Variants in MOXD1 observed in about 807,000 individuals in gnomAD.
The protein encoded by MOXD1 is DBH-like monooxygenase protein 1.
A neutral mutation model predicts 66.6 loss-of-function variants in MOXD1; 62 were observed. The observed-to-expected ratio is 0.93, with a 90% confidence interval of 0.76 to 1.15. The LOEUF (loss-of-function observed/expected upper bound fraction) is 1.15. Among genes scored for constraint, MOXD1 ranks in the 50% most tolerant of loss-of-function variants. MOXD1 has a pLI of 0.00. For synonymous variants in MOXD1, 303 were observed against 281.9 expected, an observed-to-expected ratio of 1.07 and a Z score of -0.75; for missense variants, 847 against 754.6, an observed-to-expected ratio of 1.12 and a Z score of -1.44.
chr6:132,325,015 T>C (rs1775158746), intron 6 of MOXD1: 1 of 151,730 alleles, frequency 6.6e-6, no homozygotes, highest in Admixed American at 6.6e-5. Context: ...TTACTTTTAA[T>C]TTTTTTCAGA....
intron 4 of MOXD1, among the ~76,000 whole-genome samples, chr6:132,341,683 T>C (rs1167344045): frequency 6.6e-6 from 1 of 152,224 alleles, no homozygotes; most frequent in Non-Finnish European, 1.5e-5. Context: ...TTATGCACTA[T>C]GTTCATTCTT....
intron 1 of MOXD1, among the ~76,000 whole-genome samples, chr6:132,382,498 G>A (rs1175138502): frequency 6.6e-6 from 1 of 151,842 alleles, no homozygotes; most frequent in Non-Finnish European, 1.5e-5. Context: ...GATTTTTTTG[G>A]TTTTGTGGAT....
At chr6:132,391,963 A>C (rs755798783) in intron 1 of MOXD1, 17 of 488,084 alleles carry the variant, frequency 3.5e-5, no homozygotes, top group Non-Finnish European at 6.1e-5. Flanking sequence ...AAAGCACGAC[A>C]CTTGGAGAAG....
intron 4 of MOXD1, 59 bp downstream of exon 4, chr6:132,372,549 A>G: frequency 1.4e-6 from 2 of 1,387,746 alleles, no homozygotes; most frequent in African/African-American, 1.4e-5. Context: ...CATTATATTA[A>G]CATCAATTTA....
At chr6:132,356,622 C>T (rs1047876526) in intron 4 of MOXD1, among the ~76,000 whole-genome samples, 1 of 152,054 alleles carries the variant, frequency 6.6e-6, no homozygotes, top group African/African-American at 2.4e-5. Context: ...CTTGAATGTG[C>T]ATCAAAAGTG....
rs547078544 is a variant in MOXD1, at chr6:132,306,397, C to T, written c.1509-8442G>A. 3.3e-5 allele frequency among the ~76,000 whole-genome samples: 5 copies of T among 152,108 alleles called. No homozygotes were observed. The South Asian group carries it at 1.0e-3, about 32-fold the overall frequency. ...CCTAACCTATGACTCATTGGAGTACCAGAAGGAGATGGGGAAAATGGAAAC... is the reference window on the plus strand; with the variant it reads ...CCTAACCTATGACTCATTGGAGTACTAGAAGGAGATGGGGAAAATGGAAAC... On this transcript the variant is annotated intron_variant, in intron 10 of 11. Transcript: ENST00000367963.
Position 132,401,099 on chromosome 6 carries a change from C to T in MOXD1, c.264+64G>A, listed in dbSNP as rs928616147. ...GCCCCGGGGACGACCCGCACCTGCG[C>T]CCTCTCTGGGGTCCGGACGGGACCG... On this transcript the variant is annotated intron_variant, in intron 1 of 11. Coordinates refer to ENST00000367963, the MANE Select transcript of MOXD1 (RefSeq NM_015529.4). 13 of 1,404,532 alleles carry T rather than the reference C, an allele frequency of 9.3e-6. 1 individual carries two copies. In the South Asian group the frequency reaches 1.9e-4, roughly 20 times the overall value. The allele number at this position is 1,404,532 out of a possible 1,614,324, so 87.0% of individuals were successfully genotyped here. A position where few individuals can be genotyped will look rare whatever the true frequency, so the allele number is the denominator to read the frequency against.
At chr6:132,316,906 T>C (rs763855739) in intron 9 of MOXD1, among the ~76,000 whole-genome samples, 5 of 151,826 alleles carry the variant, frequency 3.3e-5, no homozygotes, top group Non-Finnish European at 7.4e-5. Context: ...CCCAATTTAA[T>C]GAAAAACATT....
In MOXD1 at chr6:132,342,766, A is replaced by G. The variant is rs73546035; in HGVS notation, c.664-14172T>C. Among the ~76,000 whole-genome samples, 806 of 152,324 alleles carry G rather than the reference A, an allele frequency of 5.3e-3. 12 individuals are homozygous for G. The highest frequency in any genetic ancestry group is 0.019 in the African/African-American group (787 of 41,572). ...TAGATATATATAATTTTGCTTTTTC[A>G]TGCTGCAGAAAAAATGATTCAGAGA... On this transcript the variant is annotated intron_variant, in intron 4 of 11. Transcript: ENST00000367963.
intron 10 of MOXD1, among the ~76,000 whole-genome samples, chr6:132,299,756 G>T (rs1232212672): frequency 6.6e-6 from 1 of 152,062 alleles, no homozygotes; most frequent in Non-Finnish European, 1.5e-5. Flanking sequence ...AATTATCATG[G>T]TGACTAGAAA....
chr6:132,340,114 A>G (rs1051364092), intron 4 of MOXD1, among the ~76,000 whole-genome samples: 6 of 151,932 alleles, frequency 3.9e-5, no homozygotes, highest in Non-Finnish European at 7.4e-5. Flanking sequence ...CAAACTCCTG[A>G]CCTTGTGATC....
rs1161536852 is a variant in MOXD1 at position 132,311,674 on chromosome 6, A to G, written c.1508+3961T>C. 3.9e-5 allele frequency among the ~76,000 whole-genome samples: 6 copies of G among 152,190 alleles called. No homozygotes were observed. The East Asian group carries it at 1.2e-3, about 29-fold the overall frequency. ...ACTTTAGTTTCTTTCTAATAAGTTA[A>G]AACAAAATTAAAATTCAATGGTTTT... On this transcript the variant is annotated intron_variant, in intron 10 of 11. Coordinates refer to ENST00000367963, the MANE Select transcript of MOXD1 (RefSeq NM_015529.4).
At chr6:132,362,166 G>C (rs1037559074) in intron 4 of MOXD1, among the ~76,000 whole-genome samples, 1 of 151,912 alleles carries the variant, frequency 6.6e-6, no homozygotes, top group African/African-American at 2.4e-5. Context: ...ATTGACCTGT[G>C]ATATCCTATG....
At position 132,363,588 on chromosome 6, in the gene MOXD1, C is replaced by T. The variant is rs372973753; in HGVS notation, c.663+9020G>A. ...TGGAAAAAGCCCCATTAGTATTGCTCAGAAGATCTGCATTCAAGTCTTGGC... is the reference window on the plus strand; with the variant it reads ...TGGAAAAAGCCCCATTAGTATTGCTTAGAAGATCTGCATTCAAGTCTTGGC... On this transcript the variant is annotated intron_variant, in intron 4 of 11. Coordinates refer to ENST00000367963, the MANE Select transcript of MOXD1 (RefSeq NM_015529.4). 1.8e-4 allele frequency among the ~76,000 whole-genome samples: 28 copies of T among 152,198 alleles called. No individual in the cohort carries two copies. In the East Asian group the frequency reaches 2.9e-3, roughly 16 times the overall value.
intron 1 of MOXD1, among the ~76,000 whole-genome samples, chr6:132,381,493 A>T (rs1207036979): frequency 6.6e-6 from 1 of 152,136 alleles, no homozygotes; most frequent in Admixed American, 6.5e-5. Context: ...CATAGCATTC[A>T]ACTATTCTTG....
rs1389988955 is a variant in MOXD1, at chr6:132,374,491, A to G, written c.411+140T>C. On this transcript the variant is annotated intron_variant, in intron 2 of 11. Transcript: ENST00000367963. ...AAAAGTAAAAAAGAAAAAACTAAAA[A>G]AAAAACTAAAAAAAATCAAAAAAGA... 9 of 960,750 alleles carry G rather than the reference A, an allele frequency of 9.4e-6. No individual in the cohort carries two copies. The East Asian group carries it at 1.6e-4, about 17-fold the overall frequency. 59.5% of individuals were successfully genotyped at this position (960,750 alleles called of 1,614,324 possible). A position where few individuals can be genotyped will look rare whatever the true frequency, so the allele number is the denominator to read the frequency against.
chr6:132,358,066 T>C (rs1417316364), intron 4 of MOXD1, among the ~76,000 whole-genome samples: 1 of 152,126 alleles, frequency 6.6e-6, no homozygotes, highest in Non-Finnish European at 1.5e-5. Flanking sequence ...TTGTGATAGG[T>C]CATATCTCCA....
At chr6:132,357,129 G>C (rs1004824603) in intron 4 of MOXD1, among the ~76,000 whole-genome samples, 2 of 152,018 alleles carry the variant, frequency 1.3e-5, no homozygotes, top group Non-Finnish European at 1.5e-5. Context: ...ATTGTTAAAA[G>C]CCAGTCCAGA....
chr6:132,343,297 G>T (rs779342460), intron 4 of MOXD1, among the ~76,000 whole-genome samples: 1 of 152,170 alleles, frequency 6.6e-6, no homozygotes, highest in Non-Finnish European at 1.5e-5. Context: ...ATGGAAGTCT[G>T]GGCACAGTGG....
Sources: gnomAD v4.1 joint callset for allele counts (sites outside exome capture counted in the v4.1 genomes callset) on GRCh38, gnomAD v4.1.1 for gene constraint, MANE v1.5 for transcripts, NCBI Gene and HGNC (gene_info 2026-07-23, HGNC 2026-07-21) for gene names.